PKNOX2: variants seen among roughly 807,000 people sequenced by gnomAD.
PKNOX2 encodes the protein PBX/knotted 1 homeobox 2.
Under a neutral mutation model 53.1 loss-of-function variants are expected in PKNOX2, and 14 were observed. That is an observed-to-expected ratio of 0.26 (90% CI 0.17 to 0.41). PKNOX2 has a LOEUF of 0.41. PKNOX2 is among the 10% of genes least tolerant of loss of function. The pLI is 1.00. For missense variants in PKNOX2, 496 were observed against 602.8 expected, an observed-to-expected ratio of 0.82 and a Z score of 1.85; for synonymous variants, 257 against 242.8, an observed-to-expected ratio of 1.06 and a Z score of -0.54.
Position 125,217,550 on chromosome 11 carries a change from C to A in PKNOX2, c.-200-17495C>A, listed in dbSNP as rs550099299. ...GAATGTGCATGGAAACAGGTAGAAG[C>A]CACCTAGCGCAGGCGGGCACACAGG... is the stretch of plus-strand genomic sequence containing the variant. On this transcript the variant is annotated intron_variant, in intron 1 of 12. Coordinates refer to ENST00000298282, the MANE Select transcript of PKNOX2 (RefSeq NM_001382323.2). Among the ~76,000 whole-genome samples, 19 of 152,290 alleles carry A rather than the reference C, an allele frequency of 1.2e-4. No homozygotes were observed. The South Asian group carries it at 3.9e-3, about 32-fold the overall frequency.
At chr11:125,337,732 T>C (rs755189859) in intron 3 of PKNOX2, among the ~76,000 whole-genome samples, 108 of 142,240 alleles carry the variant, frequency 7.6e-4, no homozygotes, top group Non-Finnish European at 1.3e-3. Flanking sequence ...TCCTTTGTCG[T>C]CTGTTTTCTC....
intron 10 of PKNOX2, among the ~76,000 whole-genome samples, chr11:125,414,058 G>T (rs1955730039): frequency 6.6e-6 from 1 of 152,098 alleles, no homozygotes. Flanking sequence ...CTCTCACCTG[G>T]GACCTCGGTT....
intron 5 of PKNOX2, among the ~76,000 whole-genome samples, chr11:125,371,490 C>T (rs1018048690): frequency 3.3e-5 from 5 of 152,136 alleles, no homozygotes; most frequent in African/African-American, 4.8e-5. Flanking sequence ...TTGCCAGCGG[C>T]GCAGAGGCAG....
At chr11:125,181,527 T>A (rs755457475) in intron 1 of PKNOX2, among the ~76,000 whole-genome samples, 2 of 151,412 alleles carry the variant, frequency 1.3e-5, no homozygotes, top group Non-Finnish European at 2.9e-5. Context: ...TAGGGAGGAG[T>A]CTCCTCCCTT....
Position 125,212,950 on chromosome 11 carries a change from C to T in PKNOX2, c.-200-22095C>T, listed in dbSNP as rs138348242. Among the ~76,000 whole-genome samples the T allele has an allele frequency of 3.9e-3, 601 of 152,166 alleles. 8 individuals are homozygous for T. The highest frequency in any genetic ancestry group is 0.014 in the Middle Eastern group (4 of 294). On this transcript the variant is annotated intron_variant, in intron 1 of 12. Transcript: ENST00000298282. ...TGTCTACCCCATATGTAGGCTCTTG[C>T]ACCACCATCTGACCCAGAGCTCTCT...
intron 2 of PKNOX2, among the ~76,000 whole-genome samples, chr11:125,257,926 G>A (rs940923442): frequency 2.6e-5 from 4 of 152,122 alleles, no homozygotes; most frequent in African/African-American, 7.2e-5. Flanking sequence ...GACTGTTAAC[G>A]GCAGGAATTT....
chr11:125,394,771 T>C (rs1043879277), intron 6 of PKNOX2, among the ~76,000 whole-genome samples: 6 of 152,254 alleles, frequency 3.9e-5, no homozygotes, highest in Admixed American at 3.9e-4. Context: ...TAAATGGATC[T>C]GGAAAAGCAA....
intron 1 of PKNOX2, among the ~76,000 whole-genome samples, chr11:125,178,645 A>AGAAGGAAGGAAGGAAG (rs1555108397): frequency 5.2e-4 from 15 of 28,588 alleles, no homozygotes; most frequent in East Asian, 1.4e-3. Flanking sequence ...AAAGAAAGAA[A>AGAAGGAAGGAAGGAAG]GAAGGAAGGA....
chr11:125,399,653 A>C (rs919207271), intron 7 of PKNOX2, among the ~76,000 whole-genome samples: 1 of 152,202 alleles, frequency 6.6e-6, no homozygotes, highest in African/African-American at 2.4e-5. Context: ...AGTAATGAGG[A>C]TTTAGTGCCT....
chr11:125,171,043 G>A (rs1361572758), intron 1 of PKNOX2, among the ~76,000 whole-genome samples: 6 of 152,176 alleles, frequency 3.9e-5, no homozygotes, highest in Admixed American at 1.3e-4. Flanking sequence ...CAGGTCACAG[G>A]GCACTGAGGC....
chr11:125,167,455 G>T (rs923210372), intron 1 of PKNOX2, among the ~76,000 whole-genome samples: 1 of 152,172 alleles, frequency 6.6e-6, no homozygotes, highest in South Asian at 2.1e-4. Context: ...GAGAGCCCGA[G>T]GGGGGAGGGA....
At chr11:125,341,319 G>A (rs1180413940) in intron 3 of PKNOX2, among the ~76,000 whole-genome samples, 1 of 149,604 alleles carries the variant, frequency 6.7e-6, no homozygotes, top group Non-Finnish European at 1.5e-5. Flanking sequence ...TCGTGCCACT[G>A]CACTGCACTC....
chr11:125,428,526 C>CT (rs1956540905), intron 10 of PKNOX2, among the ~76,000 whole-genome samples: 7 of 152,240 alleles, frequency 4.6e-5, no homozygotes, highest in Admixed American at 4.6e-4. Flanking sequence ...ACTCTTCTGT[C>CT]TCCTAGCCAT....
intron 1 of PKNOX2, among the ~76,000 whole-genome samples, chr11:125,176,903 T>G (rs1343660829): frequency 6.6e-6 from 1 of 152,160 alleles, no homozygotes; most frequent in African/African-American, 2.4e-5. Flanking sequence ...CATCCTATGC[T>G]CCTTGAGGAC....
chr11:125,410,478 G>A (rs988625212), intron 8 of PKNOX2, 153 bp downstream of exon 8: 33 of 1,117,476 alleles, frequency 3.0e-5, no homozygotes, highest in East Asian at 2.6e-4. Flanking sequence ...GTTTATAGAC[G>A]GTTAGCGCCA....
intron 2 of PKNOX2, among the ~76,000 whole-genome samples, chr11:125,260,336 C>A (rs1944748468): frequency 6.6e-6 from 1 of 152,116 alleles, no homozygotes; most frequent in Admixed American, 6.6e-5. Flanking sequence ...GTAGCTGGGA[C>A]TACAGGCACG....
chr11:125,283,543 G>A (rs1323443868), intron 2 of PKNOX2, among the ~76,000 whole-genome samples: 1 of 152,242 alleles, frequency 6.6e-6, no homozygotes, highest in Non-Finnish European at 1.5e-5. Flanking sequence ...AACAGTGATA[G>A]ACCTCTTAGG....
chr11:125,395,263 A>G (rs1360585350), intron 6 of PKNOX2, among the ~76,000 whole-genome samples: 1 of 152,018 alleles, frequency 6.6e-6, no homozygotes, highest in East Asian at 1.9e-4. Flanking sequence ...ATTCTTTTTT[A>G]TTGCTGAGTT....
intron 6 of PKNOX2, among the ~76,000 whole-genome samples, chr11:125,390,481 A>G (rs566980433): frequency 3.3e-5 from 5 of 152,298 alleles, no homozygotes; most frequent in Admixed American, 1.3e-4. Flanking sequence ...AGGAGTCACT[A>G]TTATTATCTT....
Sources: gnomAD v4.1 joint callset for allele counts (sites outside exome capture counted in the v4.1 genomes callset) on GRCh38, gnomAD v4.1.1 for gene constraint, MANE v1.5 for transcripts, NCBI Gene and HGNC (gene_info 2026-07-23, HGNC 2026-07-21) for gene names.